MICU3: variants seen among roughly 807,000 people sequenced by gnomAD.
MICU3 encodes mitochondrial calcium uptake 3, also known as calcium uptake protein 3, mitochondrial.
Under a neutral mutation model 66.5 loss-of-function variants are expected in MICU3, and 62 were observed. The observed-to-expected ratio is 0.93, with a 90% CI of 0.76 to 1.15. MICU3 has a LOEUF of 1.15. MICU3 is among the 50% of genes most tolerant of loss of function. The pLI, the probability that MICU3 is intolerant of heterozygous loss-of-function variation, is 0.00. For missense variants in MICU3, 779 were observed against 664.4 expected (o/e 1.17, Z -1.90); for synonymous variants, 308 against 240.7 (o/e 1.28, Z -2.59).
intron 4 of MICU3, among the ~76,000 whole-genome samples, chr8:17,078,445 A>G (rs1471866015): frequency 6.6e-6 from 1 of 152,078 alleles, no homozygotes; most frequent in Non-Finnish European, 1.5e-5. Context: ...ATCAAATTAT[A>G]TGGCTTTTAT....
intron 5 of MICU3, among the ~76,000 whole-genome samples, chr8:17,082,851 C>T (rs912524698): frequency 1.3e-5 from 2 of 152,116 alleles, no homozygotes; most frequent in African/African-American, 2.4e-5. Flanking sequence ...AGTTCTGTTA[C>T]AGTAAGTTTT....
chr8:17,044,589 A>C lies in MICU3; in HGVS notation c.381+16929A>C, dbSNP rs539350605. The stretch of plus-strand genomic sequence containing the variant: ...TTGATTGACTGATTCACAGTACTAC[A>C]TCCTAGTCCAAAAGCAATGTGGATC... On this transcript the variant is annotated intron_variant, in intron 1 of 14. Coordinates refer to ENST00000318063, the MANE Select transcript of MICU3 (RefSeq NM_181723.3). Among the ~76,000 whole-genome samples the C allele has an allele frequency of 1.2e-4, 18 of 152,344 alleles. No homozygotes were observed. The South Asian group carries it at 3.3e-3, about 28-fold the overall frequency.
At chr8:17,052,125 G>A (rs1444357630) in intron 1 of MICU3, among the ~76,000 whole-genome samples, 1 of 152,038 alleles carries the variant, frequency 6.6e-6, no homozygotes, top group African/African-American at 2.4e-5. Flanking sequence ...ATAATGAGAT[G>A]ATGTATGTGA....
At chr8:17,071,827 A>G (rs1819628510) in intron 3 of MICU3, among the ~76,000 whole-genome samples, 1 of 152,214 alleles carries the variant, frequency 6.6e-6, no homozygotes, top group South Asian at 2.1e-4. Flanking sequence ...AATAGAAACA[A>G]GAACTATTAG....
chr8:17,130,733 AT>A, the MICU3 span, among the ~76,000 whole-genome samples: 37 of 152,164 alleles, frequency 2.4e-4, no homozygotes, highest in Admixed American at 1.9e-3. Context: ...AAATGCAGTA[AT>A]TTTTTTTAAA....
intron 1 of MICU3, among the ~76,000 whole-genome samples, chr8:17,044,496 C>A (rs1814729975): frequency 6.6e-6 from 1 of 151,934 alleles, no homozygotes; most frequent in Non-Finnish European, 1.5e-5. Flanking sequence ...TTTGGAAAAA[C>A]AAAGCACTGA....
intron 1 of MICU3, among the ~76,000 whole-genome samples, chr8:17,054,738 C>CTTTTTTT (rs559605289): frequency 8.1e-5 from 10 of 122,764 alleles, no homozygotes; most frequent in East Asian, 5.1e-4. Flanking sequence ...TTCTTTCTTT[C>CTTTTTTT]TTTTTTTTTT....
intron 3 of MICU3, among the ~76,000 whole-genome samples, chr8:17,071,884 A>G (rs1819635256): frequency 6.6e-6 from 1 of 152,182 alleles, no homozygotes. Flanking sequence ...ACATTATTAA[A>G]TTATGTTTTT....
chr8:17,078,876 T>A (rs1820770503), intron 4 of MICU3, among the ~76,000 whole-genome samples: 1 of 152,068 alleles, frequency 6.6e-6, no homozygotes, highest in Admixed American at 6.6e-5. Flanking sequence ...TCTTAGAAAT[T>A]TTTTTCCTAG....
At chr8:17,133,955 T>G in the MICU3 span, among the ~76,000 whole-genome samples, 1 of 152,232 alleles carries the variant, frequency 6.6e-6, no homozygotes, top group South Asian at 2.1e-4. Flanking sequence ...TTTGTAAGAC[T>G]AACGTGCCTC....
intron 1 of MICU3, among the ~76,000 whole-genome samples, chr8:17,035,396 G>T (rs561481678): frequency 6.6e-6 from 1 of 152,294 alleles, no homozygotes; most frequent in African/African-American, 2.4e-5. Flanking sequence ...ACAAAAATAT[G>T]GGAAAGTTTG....
chr8:17,106,421 T>G (rs1801741372), intron 11 of MICU3, among the ~76,000 whole-genome samples: 1 of 151,994 alleles, frequency 6.6e-6, no homozygotes, highest in Admixed American at 6.6e-5. Context: ...TTTTGTCTGT[T>G]GTACATGTTA....
At chr8:17,107,473 C>CT (rs1434345586) in intron 11 of MICU3, among the ~76,000 whole-genome samples, 1 of 152,074 alleles carries the variant, frequency 6.6e-6, no homozygotes, top group East Asian at 1.9e-4. Flanking sequence ...TGGGTCAAAT[C>CT]TTTTAAGACT....
At chr8:17,034,459 G>A (rs1412291704) in intron 1 of MICU3, among the ~76,000 whole-genome samples, 1 of 152,186 alleles carries the variant, frequency 6.6e-6, no homozygotes, top group African/African-American at 2.4e-5. Context: ...ATTTTGTAAG[G>A]CTATAGCTGC....
Position 17,081,732 on chromosome 8 carries a change from T to G in MICU3, c.686T>G (p.Ile229Ser). Residue 229 changes from isoleucine to serine, a missense_variant, in exon 5 of 15, where the codon ATT (isoleucine) becomes AGT (serine). Physicochemically the swap from Ile to Ser is moderately radical, Grantham distance 142. Transcript: ENST00000318063. ...SYTEYLFLLCILTKPHAGFRI... is the reference protein window; with the variant it reads ...SYTEYLFLLCSLTKPHAGFRI... ...ACAGAATATCTTTTTCTTTTATGTA[T>G]TTTAACAAGTAAGTATACTTATTGC... 1.1e-6 allele frequency: 1 copy of G among 939,122 alleles called. No individual in the cohort carries two copies. 58.2% of individuals were successfully genotyped at this position (939,122 alleles called of 1,614,324 possible).
rs908167624 is a variant in MICU3 at position 17,081,676 on chromosome 8, T to C, written c.647-17T>C. The stretch of plus-strand genomic sequence containing the variant: ...AACAATATTTTATATATATAACTGA[T>C]ACTATTTTTCTTGTAGGTGTGATTT... On this transcript the variant is annotated splice_polypyrimidine_tract_variant and intron_variant, in intron 4 of 14. Transcript: ENST00000318063. 6 of 782,092 alleles carry C rather than the reference T, an allele frequency of 7.7e-6. No homozygotes were observed. The highest frequency in any genetic ancestry group is 6.5e-5 in the Admixed American group (2 of 30,628). The allele number at this position is 782,092 out of a possible 1,614,324, so 48.4% of individuals were successfully genotyped here.
At chr8:17,064,871 T>C (rs541623435) in intron 2 of MICU3, among the ~76,000 whole-genome samples, 37 of 152,256 alleles carry the variant, frequency 2.4e-4, no homozygotes, top group South Asian at 1.4e-3. Context: ...TAGATTATTA[T>C]AGGTACTCTC....
At chr8:17,071,711 T>C (rs1819614142) in intron 3 of MICU3, among the ~76,000 whole-genome samples, 2 of 152,040 alleles carry the variant, frequency 1.3e-5, no homozygotes, top group African/African-American at 4.8e-5. Flanking sequence ...TTAATAAAAG[T>C]TTAGCAAGAT....
intron 13 of MICU3, 52 bp from the exon 14 acceptor site, chr8:17,118,655 C>CG (rs1802925778): frequency 8.7e-7 from 1 of 1,145,860 alleles, no homozygotes; most frequent in African/African-American, 1.5e-5. Context: ...AGTGAAATCA[C>CG]GCTGTATTTG....
Sources: gnomAD v4.1 joint callset for allele counts (sites outside exome capture counted in the v4.1 genomes callset) on GRCh38, gnomAD v4.1.1 for gene constraint, MANE v1.5 for transcripts, NCBI Gene and HGNC (gene_info 2026-07-23, HGNC 2026-07-21) for gene names.